Variants in KCNG4 observed in about 807,000 individuals in gnomAD.
KCNG4 encodes voltage-gated potassium channel regulatory subunit KCNG4.
In KCNG4, 30 loss-of-function variants were observed where a neutral mutation model predicts 28.2. The ratio of observed to expected loss-of-function variants is 1.06; its 90% CI spans 0.80 to 1.44. The LOEUF (loss-of-function observed/expected upper bound fraction) is 1.44, where lower values mean the gene tolerates loss of function less well. Ranked by LOEUF, KCNG4 falls within the 40% of genes most tolerant of loss-of-function variation. The probability of loss-of-function intolerance (pLI) is 0.00; values close to 1 mark genes in which losing one functional copy is unlikely to be tolerated. For missense variants in KCNG4, 879 were observed against 712.3 expected, an observed-to-expected ratio of 1.23 and a Z score of -2.66; for synonymous variants, 375 against 315.5, an observed-to-expected ratio of 1.19 and a Z score of -2.00.
intron 2 of KCNG4, among the ~76,000 whole-genome samples, chr16:84,230,850 G>T (rs1394420657): frequency 6.6e-6 from 1 of 152,242 alleles, no homozygotes; most frequent in Non-Finnish European, 1.5e-5. Flanking sequence ...GGAGAACAGT[G>T]GGAAGGCCGG....
At chr16:84,223,054 G>A in intron 2 of KCNG4, 34 bp from the exon 3 acceptor site, 1 of 1,481,516 alleles carries the variant, frequency 6.7e-7, no homozygotes, top group South Asian at 1.4e-5. Flanking sequence ...GCGGGGTAGA[G>A]AGTGGACTTG....
chr16:84,232,210 A>G (rs1333290613), intron 2 of KCNG4, among the ~76,000 whole-genome samples: 1 of 152,198 alleles, frequency 6.6e-6, no homozygotes, highest in Non-Finnish European at 1.5e-5. Flanking sequence ...TGGATAAACC[A>G]ATAGTGGCAT....
rs1904502851 is a variant in KCNG4 at position 84,219,419 on chromosome 16, T to G, written c.*2798A>C. 1 of 152,232 alleles carries G rather than the reference T, an allele frequency of 6.6e-6. No homozygotes were observed. Among genetic ancestry groups the G allele is most frequent in the Admixed American group, 6.5e-5 (1 of 15,290 alleles). 9.4% of individuals were successfully genotyped at this position (152,232 alleles called of 1,614,324 possible). On this transcript the variant is annotated 3_prime_UTR_variant, in exon 3 of 3. Transcript: ENST00000308251. The stretch of plus-strand genomic sequence containing the variant: ...GACTTTGTCCTTTTACTATTTTGCC[T>G]AAGCGTAGTTATTAAAATGTTAGTC...
At chr16:84,224,180 T>A (rs867051385) in intron 2 of KCNG4, among the ~76,000 whole-genome samples, 30 of 152,142 alleles carry the variant, frequency 2.0e-4, no homozygotes, top group Admixed American at 3.9e-4. Flanking sequence ...AGGTGACTCA[T>A]GCAAACTGAA....
At position 84,232,943 on chromosome 16, in the gene KCNG4, C is replaced by T. The variant is rs575410647; in HGVS notation, c.756+3787G>A. On this transcript the variant is annotated intron_variant, in intron 2 of 2. Coordinates refer to ENST00000308251, the MANE Select transcript of KCNG4 (RefSeq NM_172347.3). ...AGAGCAGGGCTGCTCAGAATCTAAG[C>T]TCCAAGGAAATCAGAAATTTGTCTT... is the stretch of plus-strand genomic sequence containing the variant. Among the ~76,000 whole-genome samples the T allele has an allele frequency of 1.4e-3, 213 of 150,156 alleles. 7 individuals are homozygous for T. In the South Asian group the frequency reaches 0.043, roughly 30 times the overall value.
chr16:84,222,701 G>T lies in KCNG4; in HGVS notation c.1076C>A (p.Thr359Lys), dbSNP rs774007743. Residue 359 changes from threonine to lysine, a missense_variant, in exon 3 of 3, where the codon ACG becomes AAG. Physicochemically the swap from Thr to Lys is moderately conservative, Grantham distance 78. Transcript: ENST00000308251. ...GCAACGGCGCACGGTGAGCCCCAGC[G>T]TCTGCAGCCCCAGCGAGTGGCGAGC... Reference protein sequence around the residue: ...RLARHSLGLQTLGLTVRRCTR... With the variant: ...RLARHSLGLQKLGLTVRRCTR... 4 of 1,613,348 alleles carry T rather than the reference G, an allele frequency of 2.5e-6. No homozygotes were observed. Among genetic ancestry groups the T allele is most frequent in the Non-Finnish European group, 2.5e-6 (3 of 1,179,818 alleles).
In KCNG4 at chr16:84,230,486, G is replaced by T. The variant is rs1321747206; in HGVS notation, c.756+6244C>A. On this transcript the variant is annotated intron_variant, in intron 2 of 2. Coordinates refer to ENST00000308251, the MANE Select transcript of KCNG4 (RefSeq NM_172347.3). ...ACTCAGGAGGCTGAGGCAGGAGAAT[G>T]GCGTGAACCCGGGGGGCAGAGCTTA... Among the ~76,000 whole-genome samples the T allele has an allele frequency of 2.7e-5, 4 of 148,924 alleles. No homozygotes were observed. The East Asian group carries it at 7.9e-4, about 29-fold the overall frequency.
At chr16:84,230,138 C>T (rs953230892) in intron 2 of KCNG4, among the ~76,000 whole-genome samples, 5 of 152,150 alleles carry the variant, frequency 3.3e-5, no homozygotes. Flanking sequence ...GGCATAGTGG[C>T]TCAGGCCTAT....
In KCNG4 at chr16:84,237,108, G is replaced by A. The variant is rs1904983232; in HGVS notation, c.378C>T (p.Phe126=). 6.2e-7 allele frequency: 1 copy of A among 1,614,152 alleles called. No homozygotes were observed. Among genetic ancestry groups the A allele is most frequent in the African/African-American group, 1.3e-5 (1 of 75,056 alleles). ...GAAGCACCAGCTTCCCGGCCGCCAG[G>A]AAGCTCACGATCACCCCGAAGGCGC... ...SPSAFGVIVS[F]LAAGKLVLLQ... The change falls in exon 2 of 3, where the codon TTC becomes TTT. Residue 126 remains phenylalanine (F), a synonymous_variant. Coordinates refer to ENST00000308251, the MANE Select transcript of KCNG4 (RefSeq NM_172347.3).
At chr16:84,228,987 C>T (rs896608878) in intron 2 of KCNG4, among the ~76,000 whole-genome samples, 2 of 152,202 alleles carry the variant, frequency 1.3e-5, no homozygotes, top group Non-Finnish European at 2.9e-5. Flanking sequence ...GAGGTTCCAG[C>T]AAATTCTTAC....
chr16:84,223,131 AC>A, intron 2 of KCNG4, 111 bp from the exon 3 acceptor site: 1 of 833,094 alleles, frequency 1.2e-6, no homozygotes, highest in Non-Finnish European at 1.8e-6. Flanking sequence ...TTAGTCGTCC[AC>A]CAGAACCTCC....
At chr16:84,228,372 G>C (rs1364895184) in intron 2 of KCNG4, among the ~76,000 whole-genome samples, 2 of 151,894 alleles carry the variant, frequency 1.3e-5, no homozygotes, top group South Asian at 2.1e-4. Context: ...CCTCCCTCCT[G>C]CTGTGAGTTC....
At chr16:84,232,700 G>C (rs1048229157) in intron 2 of KCNG4, among the ~76,000 whole-genome samples, 4 of 152,018 alleles carry the variant, frequency 2.6e-5, no homozygotes, top group Non-Finnish European at 5.9e-5. Context: ...AGGAGTTCGA[G>C]ACCAGCCTGG....
In KCNG4 at chr16:84,226,168, A is replaced by G. The variant is rs934748267; in HGVS notation, c.757-3148T>C. On this transcript the variant is annotated intron_variant, in intron 2 of 2. Coordinates refer to ENST00000308251, the MANE Select transcript of KCNG4 (RefSeq NM_172347.3). This position sits in a 1 kb window ranked among gnomAD's most constrained non-coding sequence, Gnocchi z 4.1. Reference sequence around the variant, plus strand: ...TGTGTTCTGGCTCCTTCCTGCAATGAAGAAGAGCAAGCGTCAGCCTGGAGA... The same window carrying G: ...TGTGTTCTGGCTCCTTCCTGCAATGGAGAAGAGCAAGCGTCAGCCTGGAGA... 1.3e-5 allele frequency among the ~76,000 whole-genome samples: 2 copies of G among 152,192 alleles called. No homozygotes were observed. Among genetic ancestry groups the G allele is most frequent in the African/African-American group, 4.8e-5 (2 of 41,436 alleles).
intron 2 of KCNG4, among the ~76,000 whole-genome samples, chr16:84,230,009 C>G (rs1478307944): frequency 6.6e-6 from 1 of 151,952 alleles, no homozygotes; most frequent in African/African-American, 2.4e-5. Context: ...TACAGGGCCT[C>G]TTACTAAAGG....
chr16:84,222,350 C>T lies in KCNG4; in HGVS notation c.1427G>A (p.Arg476His), dbSNP rs372627497. The T allele has an allele frequency of 9.3e-6, 15 of 1,613,968 alleles. No individual in the cohort carries two copies. Among genetic ancestry groups the T allele is most frequent in the Non-Finnish European group, 1.2e-5 (14 of 1,179,974 alleles). Reference protein sequence around the residue: ...KEQEQLQARLRHLQNTGPASE... With the variant: ...KEQEQLQARLHHLQNTGPASE... ...GGCTGGACCGGTGTTTTGGAGGTGG[C>T]GGAGGCGGGCCTGAAGCTGCTCCTG... The change falls in exon 3 of 3, where the codon CGC (arginine) becomes CAC (histidine). Residue 476 changes from arginine to histidine, a missense_variant. Arg to His is a conservative substitution (Grantham distance 29, BLOSUM62 0). Coordinates refer to ENST00000308251, the MANE Select transcript of KCNG4 (RefSeq NM_172347.3).
At chr16:84,236,363 C>A in intron 2 of KCNG4, 1 of 365,300 alleles carries the variant, frequency 2.7e-6, no homozygotes, top group African/African-American at 2.1e-5. Context: ...ACCCATTTCA[C>A]GGAGTGGGAG....
chr16:84,220,815 T>G lies in KCNG4; in HGVS notation c.*1402A>C, dbSNP rs983719926. The G allele has an allele frequency of 6.6e-6, 1 of 152,296 alleles. No individual in the cohort carries two copies. Among genetic ancestry groups the G allele is most frequent in the Non-Finnish European group, 1.5e-5 (1 of 68,124 alleles). 9.4% of individuals were successfully genotyped at this position (152,296 alleles called of 1,614,324 possible). A position where few individuals can be genotyped will look rare whatever the true frequency, so the allele number is the denominator to read the frequency against. Reference sequence around the variant, plus strand: ...GGGAGGGCTGTCTTGCCTGAATGGCTCAATGGCTCCTCATCCCAAACTGGG... The same window carrying G: ...GGGAGGGCTGTCTTGCCTGAATGGCGCAATGGCTCCTCATCCCAAACTGGG... On this transcript the variant is annotated 3_prime_UTR_variant, in exon 3 of 3. Transcript: ENST00000308251.
At chr16:84,224,210 A>C (rs1178035386) in intron 2 of KCNG4, among the ~76,000 whole-genome samples, 1 of 152,076 alleles carries the variant, frequency 6.6e-6, no homozygotes, top group South Asian at 2.1e-4. Flanking sequence ...GCACTGTTCT[A>C]GTGTGTGGTT....
Sources: allele counts gnomAD v4.1 joint callset (sites outside exome capture counted in the v4.1 genomes callset), GRCh38; gene constraint gnomAD v4.1.1; non-coding constraint Gnocchi (gnomAD v3.1); transcripts MANE v1.5; gene names NCBI Gene and HGNC (gene_info 2026-07-23, HGNC 2026-07-21).